The following MAP3K13 variants were observed in gnomAD, a reference collection of about 807,000 sequenced individuals.
The protein encoded by MAP3K13 is mitogen-activated protein kinase kinase kinase 13.
MAP3K13 carries 52 observed loss-of-function variants against 104.0 expected under a neutral mutation model. That is an observed-to-expected ratio of 0.50 (90% CI 0.40 to 0.63). The LOEUF (loss-of-function observed/expected upper bound fraction) is 0.63, where lower values mean the gene tolerates loss of function less well. MAP3K13 is among the 20% of genes least tolerant of loss of function. The pLI is 0.00. For synonymous variants in MAP3K13, 394 were observed against 442.2 expected (o/e 0.89, Z 1.37); for missense variants, 914 against 1,218.5 (o/e 0.75, Z 3.72).
intron 1 of MAP3K13, among the ~76,000 whole-genome samples, chr3:185,388,182 C>T (rs557657603): frequency 6.6e-6 from 1 of 150,862 alleles, no homozygotes; most frequent in African/African-American, 2.4e-5. Context: ...AAGACTTATA[C>T]AAGAAAGCTA....
chr3:185,297,750 GAAAA>G (rs1720967811), intron 2 of MAP3K13, among the ~76,000 whole-genome samples: 1 of 8,414 alleles, frequency 1.2e-4, no homozygotes, highest in Non-Finnish European at 3.9e-4. Context: ...AAAAAAAAAA[GAAAA>G]GAAAAGAAAA....
In MAP3K13 at chr3:185,455,983, TGATATATATGA is replaced by T. The variant is rs1396298492; in HGVS notation, c.1278+4609_1278+4619del. Among the ~76,000 whole-genome samples, 187 of 147,218 alleles carry T rather than the reference TGATATATATGA, an allele frequency of 1.3e-3. 1 individual carries two copies. The highest frequency in any genetic ancestry group is 1.9e-3 in the South Asian group (9 of 4,762). On this transcript the variant is annotated intron_variant, in intron 7 of 13. Coordinates refer to ENST00000265026, the MANE Select transcript of MAP3K13 (RefSeq NM_004721.5). The stretch of plus-strand genomic sequence containing the variant: ...ATATGATATGTATGAGATATATATA[TGATATATATGA>T]GATATATATGAGATATATATATATA...
At chr3:185,317,139 C>G (rs1335602852) in intron 2 of MAP3K13, among the ~76,000 whole-genome samples, 3 of 152,082 alleles carry the variant, frequency 2.0e-5, no homozygotes, top group Non-Finnish European at 4.4e-5. Flanking sequence ...TGTAGAAACT[C>G]AGATTATGAA....
At chr3:185,463,440 G>A (rs1001749801) in intron 7 of MAP3K13, 110 bp from the exon 8 acceptor site, 37 of 629,012 alleles carry the variant, frequency 5.9e-5, no homozygotes, top group African/African-American at 3.6e-4. Flanking sequence ...TTCTGAAAAA[G>A]GCTCTTCAGT....
intron 1 of MAP3K13, chr3:185,417,806 T>G: frequency 6.2e-7 from 1 of 1,611,898 alleles, no homozygotes; most frequent in Non-Finnish European, 8.5e-7. Flanking sequence ...AGCTTCAACA[T>G]GATTCTCAAG....
chr3:185,459,611 G>C (rs556287828), intron 7 of MAP3K13, among the ~76,000 whole-genome samples: 2 of 151,996 alleles, frequency 1.3e-5, no homozygotes, highest in African/African-American at 4.8e-5. Context: ...CATCATGCTG[G>C]CTAATTTTTT....
chr3:185,426,870 T>C (rs1214536925), intron 1 of MAP3K13, among the ~76,000 whole-genome samples: 1 of 152,212 alleles, frequency 6.6e-6, no homozygotes, highest in African/African-American at 2.4e-5. Flanking sequence ...TCTTCTGTGC[T>C]CTCAGAGCAC....
Position 185,461,469 on chromosome 3 carries a change from A to G in MAP3K13, c.1279-2081A>G, listed in dbSNP as rs1158118544. ...GAAAACCTTCTATAAATCCACAATT[A>G]CTTAAGAATAACTACTTACTTGATC... On this transcript the variant is annotated intron_variant, in intron 7 of 13. Coordinates refer to ENST00000265026, the MANE Select transcript of MAP3K13 (RefSeq NM_004721.5). Among the ~76,000 whole-genome samples the G allele has an allele frequency of 2.0e-5, 3 of 147,768 alleles. No individual in the cohort carries two copies. In the East Asian group the frequency reaches 5.9e-4, roughly 29 times the overall value.
intron 2 of MAP3K13, among the ~76,000 whole-genome samples, chr3:185,332,803 T>C (rs1389227761): frequency 6.6e-6 from 1 of 152,244 alleles, no homozygotes; most frequent in Non-Finnish European, 1.5e-5. Flanking sequence ...AATAGATATT[T>C]GGGTTGCTTC....
In MAP3K13 at chr3:185,287,109, C is replaced by G. The variant is rs564388935; in HGVS notation, c.-86+1466C>G. Among the ~76,000 whole-genome samples the G allele has an allele frequency of 3.9e-5, 6 of 152,236 alleles. 1 individual carries two copies. The East Asian group carries it at 7.7e-4, about 20-fold the overall frequency. ...GACGTTAGATTGTTACTATTAAGATCTTAAGAATACTCAGTGCTTAGTCTT... is the reference window on the plus strand; with the variant it reads ...GACGTTAGATTGTTACTATTAAGATGTTAAGAATACTCAGTGCTTAGTCTT... On this transcript the variant is annotated intron_variant, in intron 2 of 14. Transcript: ENST00000424227.
At chr3:185,435,656 G>A (rs1235890553) in intron 2 of MAP3K13, among the ~76,000 whole-genome samples, 1 of 152,144 alleles carries the variant, frequency 6.6e-6, no homozygotes, top group Non-Finnish European at 1.5e-5. Flanking sequence ...AGGAGAACGG[G>A]ATGAAGGCCC....
chr3:185,457,642 G>T (rs192665520), intron 7 of MAP3K13, among the ~76,000 whole-genome samples: 46 of 152,278 alleles, frequency 3.0e-4, no homozygotes, highest in Admixed American at 5.2e-4. Flanking sequence ...ATATGAATTT[G>T]GAGGGAACAC....
At chr3:185,478,098 C>T (rs2148928302) in intron 12 of MAP3K13, among the ~76,000 whole-genome samples, 1 of 152,272 alleles carries the variant, frequency 6.6e-6, no homozygotes, top group South Asian at 2.1e-4. Context: ...TTCCCCATGC[C>T]TTAGATTTTA....
intron 2 of MAP3K13, among the ~76,000 whole-genome samples, chr3:185,350,463 A>T (rs1356575462): frequency 1.3e-5 from 2 of 152,254 alleles, no homozygotes; most frequent in Admixed American, 6.5e-5. Context: ...CTGGGATTAC[A>T]GGCGTGAGCC....
intron 1 of MAP3K13, among the ~76,000 whole-genome samples, chr3:185,419,205 T>C (rs984999699): frequency 1.3e-5 from 2 of 152,162 alleles, no homozygotes; most frequent in African/African-American, 4.8e-5. Context: ...TTTCACCATG[T>C]TGGCCAGGCT....
chr3:185,371,274 A>G (rs775487711), intron 1 of MAP3K13, among the ~76,000 whole-genome samples: 2 of 152,206 alleles, frequency 1.3e-5, no homozygotes, highest in Non-Finnish European at 2.9e-5. Context: ...TGTCAAGCCA[A>G]GAGGGCTGAT....
intron 2 of MAP3K13, among the ~76,000 whole-genome samples, chr3:185,343,123 A>G (rs9851722): frequency 0.76 from 115,074 of 152,120 alleles, 44,353 homozygotes; most frequent in Middle Eastern, 0.84. Flanking sequence ...CTCCAGACAA[A>G]TGCTCCAGTT....
intron 4 of MAP3K13, among the ~76,000 whole-genome samples, chr3:185,446,016 C>T (rs1445207378): frequency 6.6e-6 from 1 of 152,084 alleles, no homozygotes; most frequent in Admixed American, 6.6e-5. Flanking sequence ...ACTGTTAAAT[C>T]AAAACTCCTA....
chr3:185,424,987 C>T (rs77626374), intron 1 of MAP3K13, among the ~76,000 whole-genome samples: 9,231 of 152,170 alleles, frequency 0.061, 463 homozygotes, highest in East Asian at 0.23. Context: ...TGCCACCATG[C>T]TTAGCTAATT....
Sources: gnomAD v4.1 joint callset for allele counts (sites outside exome capture counted in the v4.1 genomes callset) on GRCh38, gnomAD v4.1.1 for gene constraint, MANE v1.5 for transcripts, NCBI Gene and HGNC (gene_info 2026-07-23, HGNC 2026-07-21) for gene names.